The following APBA1 variants were observed in gnomAD, a reference collection of about 807,000 sequenced individuals.
APBA1 encodes the protein amyloid beta precursor protein binding family A member 1, also known as amyloid-beta A4 precursor protein-binding family A member 1.
In APBA1, 55 loss-of-function variants were observed where a neutral mutation model predicts 86.6. That is an observed-to-expected ratio of 0.64 (90% CI 0.51 to 0.80). The LOEUF is 0.80. Among genes scored for constraint, APBA1 ranks in the 30% least tolerant of loss-of-function variants. The pLI is 0.00. For synonymous variants in APBA1, 511 were observed against 493.9 expected, an observed-to-expected ratio of 1.03 and a Z score of -0.46; for missense variants, 1,090 against 1,183.0, an observed-to-expected ratio of 0.92 and a Z score of 1.15.
intron 1 of APBA1, among the ~76,000 whole-genome samples, chr9:69,671,506 C>G (rs1169612604): frequency 6.6e-6 from 1 of 152,174 alleles, no homozygotes; most frequent in Non-Finnish European, 1.5e-5. Context: ...CTCAGAGTTG[C>G]AGGGTCAAAA....
chr9:69,433,580 A>T (rs1204390469), intron 11 of APBA1, among the ~76,000 whole-genome samples: 1 of 152,178 alleles, frequency 6.6e-6, no homozygotes, highest in African/African-American at 2.4e-5. Flanking sequence ...CTTTTAATGC[A>T]GTTTAACTAT....
intron 1 of APBA1, among the ~76,000 whole-genome samples, chr9:69,638,430 G>A (rs1055713509): frequency 2.6e-5 from 4 of 151,998 alleles, no homozygotes; most frequent in African/African-American, 7.2e-5. Context: ...TAGTAGAGAC[G>A]GGGTTTCACC....
chr9:69,488,703 A>G (rs1835651579), intron 2 of APBA1, among the ~76,000 whole-genome samples: 1 of 152,188 alleles, frequency 6.6e-6, no homozygotes, highest in South Asian at 2.1e-4. Flanking sequence ...CTAGTGGAAG[A>G]GACACAGAAT....
intron 1 of APBA1, among the ~76,000 whole-genome samples, chr9:69,662,489 T>C (rs1259017182): frequency 6.6e-6 from 1 of 152,188 alleles, no homozygotes; most frequent in African/African-American, 2.4e-5. Flanking sequence ...AAGATTAGGT[T>C]AAGCTTTCAT....
chr9:69,651,807 A>G (rs541051819), intron 1 of APBA1, among the ~76,000 whole-genome samples: 6 of 152,160 alleles, frequency 3.9e-5, no homozygotes, highest in Non-Finnish European at 7.4e-5. Context: ...TTGACTGCCA[A>G]TTGATTACTT....
intron 3 of APBA1, among the ~76,000 whole-genome samples, chr9:69,475,469 G>A (rs1835428506): frequency 6.6e-6 from 1 of 152,230 alleles, no homozygotes; most frequent in African/African-American, 2.4e-5. Context: ...AGGCGGCACT[G>A]CACCAGCAAG....
At chr9:69,643,151 C>T (rs1411159898) in intron 1 of APBA1, among the ~76,000 whole-genome samples, 1 of 152,036 alleles carries the variant, frequency 6.6e-6, no homozygotes, top group Non-Finnish European at 1.5e-5. Flanking sequence ...TCTGCACTTA[C>T]ATTTGATCCA....
chr9:69,613,466 G>A (rs545861064), intron 1 of APBA1, among the ~76,000 whole-genome samples: 2 of 152,070 alleles, frequency 1.3e-5, no homozygotes, highest in South Asian at 2.1e-4. Flanking sequence ...TTCTTGTCTC[G>A]GAAGTTCCAC....
intron 8 of APBA1, among the ~76,000 whole-genome samples, chr9:69,455,301 G>A (rs904971634): frequency 1.3e-5 from 2 of 152,184 alleles, no homozygotes; most frequent in South Asian, 2.1e-4. Context: ...CCCTCAGGGG[G>A]TGGGTGAGTT....
intron 8 of APBA1, among the ~76,000 whole-genome samples, chr9:69,455,151 G>A (rs1554689828): frequency 6.6e-6 from 1 of 152,154 alleles, no homozygotes; most frequent in Non-Finnish European, 1.5e-5. Flanking sequence ...TGCTGTACTG[G>A]AGAAGAAGGG....
intron 1 of APBA1, among the ~76,000 whole-genome samples, chr9:69,662,053 C>G (rs1054967971): frequency 5.0e-5 from 7 of 139,670 alleles, no homozygotes; most frequent in African/African-American, 1.3e-4. Context: ...CACACACACA[C>G]ACAGACATCC....
intron 1 of APBA1, among the ~76,000 whole-genome samples, chr9:69,662,197 G>A (rs540119554): frequency 2.0e-5 from 3 of 152,258 alleles, no homozygotes; most frequent in South Asian, 4.1e-4. Flanking sequence ...GCCTAGACCT[G>A]AGGCAAATCC....
chr9:69,645,525 G>A (rs1345685796), intron 1 of APBA1, among the ~76,000 whole-genome samples: 1 of 152,218 alleles, frequency 6.6e-6, no homozygotes, highest in Non-Finnish European at 1.5e-5. Context: ...GAGAAAAAAA[G>A]CTAGAGACTT....
intron 1 of APBA1, among the ~76,000 whole-genome samples, chr9:69,554,777 A>C (rs1178027757): frequency 8.9e-6 from 1 of 112,898 alleles, no homozygotes; most frequent in East Asian, 3.8e-4. Context: ...AAAGAACAGC[A>C]GATATTTTTA....
At chr9:69,483,199 A>G (rs1411718044) in intron 2 of APBA1, among the ~76,000 whole-genome samples, 1 of 150,750 alleles carries the variant, frequency 6.6e-6, no homozygotes, top group East Asian at 1.9e-4. Context: ...GTCCTCTGAG[A>G]GGAAGGCTGC....
Position 69,536,704 on chromosome 9 carries a change from TAA to T in APBA1, c.-69-19427_-69-19426del, listed in dbSNP as rs71356116. Among the ~76,000 whole-genome samples the T allele has an allele frequency of 7.8e-3, 434 of 55,938 alleles. 2 individuals are homozygous for T. The highest frequency in any genetic ancestry group is 0.029 in the African/African-American group (419 of 14,378). 36.7% of individuals were successfully genotyped at this position (55,938 alleles called of 152,430 possible). ...CAACATGAAGAAACCCCATCTCTAC[TAA>T]AAAAAAAAAAAAAAAAAAAAAAAAT... On this transcript the variant is annotated intron_variant, in intron 1 of 12. Coordinates refer to ENST00000265381, the MANE Select transcript of APBA1 (RefSeq NM_001163.4).
chr9:69,577,039 G>T (rs564006662), intron 1 of APBA1, among the ~76,000 whole-genome samples: 12 of 152,086 alleles, frequency 7.9e-5, no homozygotes, highest in African/African-American at 2.9e-4. Flanking sequence ...GGGGTACATG[G>T]TGATGTTTTG....
intron 1 of APBA1, among the ~76,000 whole-genome samples, chr9:69,587,452 C>T (rs544465167): frequency 6.6e-6 from 1 of 152,260 alleles, no homozygotes; most frequent in African/African-American, 2.4e-5. Flanking sequence ...ATCTGTAAGC[C>T]ACACACTTGG....
At chr9:69,434,069 G>A (rs1347751493) in intron 11 of APBA1, among the ~76,000 whole-genome samples, 2 of 152,164 alleles carry the variant, frequency 1.3e-5, no homozygotes, top group Non-Finnish European at 2.9e-5. Flanking sequence ...GGCTTCGCCG[G>A]AAGGCCAAGG....
Sources: gnomAD v4.1 joint callset for allele counts (sites outside exome capture counted in the v4.1 genomes callset) on GRCh38, gnomAD v4.1.1 for gene constraint, MANE v1.5 for transcripts, NCBI Gene and HGNC (gene_info 2026-07-23, HGNC 2026-07-21) for gene names.